Variants in ZC3H12B observed in about 807,000 individuals in gnomAD.
The protein encoded by ZC3H12B is zinc finger CCCH-type containing 12B, also known as probable ribonuclease ZC3H12B.
ZC3H12B carries 7 observed loss-of-function variants against 43.9 expected under a neutral mutation model. The ratio of observed to expected loss-of-function variants is 0.16; its 90% CI spans 0.09 to 0.30. The LOEUF (loss-of-function observed/expected upper bound fraction) is 0.30. Ranked by LOEUF, ZC3H12B falls within the 10% of genes least tolerant of loss-of-function variation. ZC3H12B has a pLI of 1.00. For synonymous variants in ZC3H12B, 222 were observed against 241.7 expected, an observed-to-expected ratio of 0.92 and a Z score of 0.76; for missense variants, 475 against 670.2, an observed-to-expected ratio of 0.71 and a Z score of 3.22.
chrX:65,323,357 C>T, the ZC3H12B span, among the ~76,000 whole-genome samples: 2 of 111,800 alleles, frequency 1.8e-5, no homozygotes, highest in Admixed American at 9.4e-5. Flanking sequence ...CCACATCCCC[C>T]GACAGGCCCT....
chrX:65,168,062 C>T, the ZC3H12B span, among the ~76,000 whole-genome samples: 1 of 111,889 alleles, frequency 8.9e-6, no homozygotes, highest in East Asian at 2.8e-4. Flanking sequence ...GCCAGAACTT[C>T]CAACACTATG....
At chrX:65,501,832 G>C in exon 5 of ZC3H12B, 2 of 1,194,935 alleles carry the variant, frequency 1.7e-6, no homozygotes, top group Non-Finnish European at 1.1e-6. Context: ...ACTACCATCC[G>C]GAGCGGGCCA....
the ZC3H12B span, among the ~76,000 whole-genome samples, chrX:65,303,648 T>G: frequency 1.8e-5 from 2 of 112,347 alleles, no homozygotes; most frequent in Non-Finnish European, 1.9e-5. Flanking sequence ...TTTGAACACT[T>G]TTATTTAACA....
chrX:65,120,660 T>C, the ZC3H12B span, among the ~76,000 whole-genome samples: 110 of 111,208 alleles, frequency 9.9e-4, no homozygotes, highest in Non-Finnish European at 1.9e-3. Flanking sequence ...TGCCTGATTG[T>C]CCTGGCCAGA....
chrX:65,473,102 C>G (rs1252796546), intron 3 of ZC3H12B, among the ~76,000 whole-genome samples: 1 of 104,100 alleles, frequency 9.6e-6, no homozygotes, highest in Admixed American at 1.1e-4. Context: ...CAACCTCTGC[C>G]TCCCGGGTTC....
At chrX:65,182,091 T>G in the ZC3H12B span, among the ~76,000 whole-genome samples, 1 of 111,758 alleles carries the variant, frequency 8.9e-6, no homozygotes, top group Admixed American at 9.6e-5. Flanking sequence ...AATGAGTTCA[T>G]GTCTTTTGCC....
the ZC3H12B span, among the ~76,000 whole-genome samples, chrX:65,123,446 A>G: frequency 9.0e-6 from 1 of 111,055 alleles, no homozygotes; most frequent in African/African-American, 3.3e-5. Context: ...GGCCTCATAA[A>G]ATGAGTTAAG....
At chrX:65,120,219 T>A in the ZC3H12B span, among the ~76,000 whole-genome samples, 2 of 112,174 alleles carry the variant, frequency 1.8e-5, no homozygotes, top group Non-Finnish European at 3.8e-5. Context: ...TTGCATTGAA[T>A]CTATAAATTA....
chrX:65,281,231 CTTTTTT>C, the ZC3H12B span, among the ~76,000 whole-genome samples: 1 of 90,368 alleles, frequency 1.1e-5, no homozygotes, highest in East Asian at 3.4e-4. Context: ...TATAGCCAAA[CTTTTTT>C]TTTTTTTTTT....
chrX:65,351,632 C>T, the ZC3H12B span, among the ~76,000 whole-genome samples: 2 of 112,373 alleles, frequency 1.8e-5, no homozygotes, highest in African/African-American at 3.2e-5. Context: ...AAAAAACAAA[C>T]AACCCCATCA....
the ZC3H12B span, among the ~76,000 whole-genome samples, chrX:65,215,041 G>A: frequency 2.7e-5 from 3 of 110,746 alleles, no homozygotes; most frequent in African/African-American, 9.9e-5. Flanking sequence ...CTAATGAGTA[G>A]GTCCCAAAAA....
chrX:65,110,077 T>C, the ZC3H12B span, among the ~76,000 whole-genome samples: 1 of 111,562 alleles, frequency 9.0e-6, no homozygotes, highest in Admixed American at 9.6e-5. Context: ...CATCTTTTTA[T>C]GTGCGTGTTT....
chrX:65,122,379 A>G, the ZC3H12B span, among the ~76,000 whole-genome samples: 1 of 111,278 alleles, frequency 9.0e-6, no homozygotes, highest in Non-Finnish European at 1.9e-5. Flanking sequence ...AGAGCTCCTG[A>G]AGGAAGCACT....
At chrX:65,441,617 C>T (rs1440114236) in intron 3 of ZC3H12B, among the ~76,000 whole-genome samples, 1 of 112,043 alleles carries the variant, frequency 8.9e-6, no homozygotes, top group Non-Finnish European at 1.9e-5. Flanking sequence ...ATTTGAATTT[C>T]CCCATTGTAA....
the ZC3H12B span, among the ~76,000 whole-genome samples, chrX:65,039,380 C>G: frequency 1.8e-5 from 2 of 111,501 alleles, no homozygotes; most frequent in Non-Finnish European, 3.8e-5. Flanking sequence ...TAAATATTAA[C>G]TGAAACCTGA....
At chrX:65,134,709 C>G in the ZC3H12B span, among the ~76,000 whole-genome samples, 1 of 111,443 alleles carries the variant, frequency 9.0e-6, no homozygotes, top group Non-Finnish European at 1.9e-5. Context: ...TCTTCGGCAC[C>G]AAATGTCACG....
intron 3 of ZC3H12B, among the ~76,000 whole-genome samples, chrX:65,416,568 T>C (rs180788674): frequency 0.01 from 1,075 of 106,925 alleles, 15 homozygotes; most frequent in African/African-American, 0.035. Context: ...GATGACGAGG[T>C]CAGGAGATCG....
chrX:65,464,619 C>T (rs2067794477), intron 3 of ZC3H12B, among the ~76,000 whole-genome samples: 1 of 109,585 alleles, frequency 9.1e-6, no homozygotes, highest in South Asian at 3.8e-4. Flanking sequence ...TATTTATGTT[C>T]TAATATTTAT....
At chrX:65,211,173 G>C in the ZC3H12B span, among the ~76,000 whole-genome samples, 1 of 102,355 alleles carries the variant, frequency 9.8e-6, no homozygotes, top group Non-Finnish European at 2.0e-5. Flanking sequence ...TTCTTTTCTT[G>C]TAAATTTGTT....
Sources: gnomAD v4.1 joint callset for allele counts (sites outside exome capture counted in the v4.1 genomes callset) on GRCh38, gnomAD v4.1.1 for gene constraint, MANE v1.5 for transcripts, NCBI Gene and HGNC (gene_info 2026-07-23, HGNC 2026-07-21) for gene names.